Variants in KDM2A observed in about 807,000 individuals in gnomAD.
KDM2A encodes lysine demethylase 2A, also known as lysine-specific demethylase 2A.
In KDM2A, 3 loss-of-function variants were observed where a neutral mutation model predicts 137.3. That is an observed-to-expected ratio of 0.02 (90% CI 0.01 to 0.06). KDM2A has a LOEUF of 0.06. Ranked by LOEUF, KDM2A falls within the 10% of genes least tolerant of loss-of-function variation. KDM2A has a pLI of 1.00. For missense variants in KDM2A, 738 were observed against 1,510.6 expected, an observed-to-expected ratio of 0.49 and a Z score of 8.48; for synonymous variants, 512 against 541.5, an observed-to-expected ratio of 0.95 and a Z score of 0.76.
intron 5 of KDM2A, among the ~76,000 whole-genome samples, chr11:67,188,481 CAAA>C (rs764954297): frequency 5.4e-5 from 5 of 91,918 alleles, no homozygotes; most frequent in Admixed American, 1.2e-4. Flanking sequence ...GACTCTGTCT[CAAA>C]AAAAAAAAAA....
chr11:67,171,615 G>A (rs1856884205), intron 2 of KDM2A, among the ~76,000 whole-genome samples: 2 of 152,198 alleles, frequency 1.3e-5, no homozygotes, highest in South Asian at 4.1e-4. Context: ...TACCCAAAAA[G>A]GTTAGCTTGG....
At chr11:67,157,756 A>G (rs1437991573) in intron 2 of KDM2A, among the ~76,000 whole-genome samples, 1 of 151,946 alleles carries the variant, frequency 6.6e-6, no homozygotes, top group Non-Finnish European at 1.5e-5. Flanking sequence ...CAAAAAAAAA[A>G]AAAAAAAACT....
Position 67,250,348 on chromosome 11 carries a change from T to C in KDM2A, c.2318T>C (p.Val773Ala), listed in dbSNP as rs751900605. 1.2e-6 allele frequency: 2 copies of C among 1,613,796 alleles called. No homozygotes were observed. The highest frequency in any genetic ancestry group is 1.7e-6 in the Non-Finnish European group (2 of 1,179,872). Residue 773 changes from valine to alanine, a missense_variant, in exon 17 of 21, where the codon GTA becomes GCA. Physicochemically the swap from Val to Ala is moderately conservative, Grantham distance 64 (BLOSUM62 0). This residue lies in a region of KDM2A where 244 missense variants were observed against 324.6 expected (regional missense o/e 0.75). Coordinates refer to ENST00000529006, the MANE Select transcript of KDM2A (RefSeq NM_012308.3). The surrounding 1 kb of genome is among the most constrained non-coding windows in gnomAD (Gnocchi z 7.1). The stretch of plus-strand genomic sequence containing the variant: ...CTGCAGGCCACAGAGCGCACCATGG[T>C]ACGGGAAAAGGAGAACAATCCCAGC... ...LRLQATERTMVREKENNPSGK... is the reference protein window; with the variant it reads ...LRLQATERTMAREKENNPSGK...
intron 2 of KDM2A, among the ~76,000 whole-genome samples, chr11:67,164,453 G>A (rs770416187): frequency 2.0e-5 from 3 of 152,060 alleles, no homozygotes; most frequent in Admixed American, 1.3e-4. Context: ...TGTTCATTAA[G>A]TGTTGATCTT....
intron 13 of KDM2A, chr11:67,243,360 T>C: frequency 3.5e-6 from 1 of 285,816 alleles, no homozygotes. Context: ...CATCCGCTTC[T>C]ATCCTTGTGA....
chr11:67,215,738 G>A (rs554653526), intron 7 of KDM2A, 118 bp from the exon 8 acceptor site: 7 of 783,698 alleles, frequency 8.9e-6, no homozygotes, highest in South Asian at 8.1e-5. Context: ...TTCTCCTTCT[G>A]GAACTTAAGA....
intron 11 of KDM2A, among the ~76,000 whole-genome samples, chr11:67,230,344 T>C (rs1858671550): frequency 6.6e-6 from 1 of 152,014 alleles, no homozygotes; most frequent in African/African-American, 2.4e-5. Context: ...AAAACACATA[T>C]AGACCAGGCA....
At chr11:67,129,275 A>G (rs868027813) in intron 2 of KDM2A, among the ~76,000 whole-genome samples, 1 of 152,228 alleles carries the variant, frequency 6.6e-6, no homozygotes. Flanking sequence ...AACAAATAAT[A>G]AAGTGTCTAG....
rs771591882 is a variant in KDM2A, at chr11:67,245,233, C to T, written c.1608C>T (p.Pro536=). 1.2e-6 allele frequency: 2 copies of T among 1,614,014 alleles called. No homozygotes were observed. Among genetic ancestry groups the T allele is most frequent in the Non-Finnish European group, 1.7e-6 (2 of 1,179,894 alleles). The change falls in exon 14 of 21, where the codon CCC becomes CCT. Residue 536 remains proline (P), a synonymous_variant. Coordinates refer to ENST00000529006, the MANE Select transcript of KDM2A (RefSeq NM_012308.3). This position sits in a 1 kb window ranked among gnomAD's most constrained non-coding sequence, Gnocchi z 4.1. ...TRPKVRVPTI[P]ITKPHTMKPA... Reference sequence around the variant, plus strand: ...CAAAGGTGCGGGTTCCTACCATCCCCATTACGAAGCCTCACACTATGAAAC... The same window carrying T: ...CAAAGGTGCGGGTTCCTACCATCCCTATTACGAAGCCTCACACTATGAAAC...
At chr11:67,122,391 A>G (rs915236354) in intron 2 of KDM2A, among the ~76,000 whole-genome samples, 2 of 152,068 alleles carry the variant, frequency 1.3e-5, no homozygotes, top group African/African-American at 4.8e-5. Flanking sequence ...CAGTGGCGTG[A>G]TCTGAGCTCA....
intron 2 of KDM2A, among the ~76,000 whole-genome samples, chr11:67,174,883 G>A (rs1856946404): frequency 6.6e-6 from 1 of 152,170 alleles, no homozygotes; most frequent in South Asian, 2.1e-4. Context: ...TGATGTCATT[G>A]TTCAGTTTAT....
intron 2 of KDM2A, among the ~76,000 whole-genome samples, chr11:67,143,532 A>G (rs1421487669): frequency 6.6e-6 from 1 of 152,258 alleles, no homozygotes; most frequent in East Asian, 1.9e-4. Flanking sequence ...CCACTTCAAA[A>G]GCTTCTTTAC....
chr11:67,182,260 G>A (rs936684994), intron 5 of KDM2A, among the ~76,000 whole-genome samples: 1 of 152,146 alleles, frequency 6.6e-6, no homozygotes, highest in Non-Finnish European at 1.5e-5. Flanking sequence ...GAAATTTCCA[G>A]GAAATGCTCG....
chr11:67,240,045 C>T (rs1590818614), intron 12 of KDM2A: 2 of 1,306,764 alleles, frequency 1.5e-6, no homozygotes, highest in East Asian at 5.7e-5. Flanking sequence ...CTGCCATCTT[C>T]CGTTGCAAAG....
At chr11:67,199,036 C>T (rs1054831265) in intron 5 of KDM2A, among the ~76,000 whole-genome samples, 3 of 152,032 alleles carry the variant, frequency 2.0e-5, no homozygotes, top group African/African-American at 4.8e-5. Context: ...GCCTTGGCCT[C>T]CCCAAAGTGC....
intron 2 of KDM2A, among the ~76,000 whole-genome samples, chr11:67,177,852 C>A (rs1857003725): frequency 6.6e-6 from 1 of 152,186 alleles, no homozygotes; most frequent in Non-Finnish European, 1.5e-5. Context: ...GTTAGATTTA[C>A]ACAAGCATTG....
rs747931792 is a variant in KDM2A at position 67,254,383 on chromosome 11, C to T, written c.3272C>T (p.Ser1091Phe). ...AATCTACTCACTGCTGTCGGGTCTT[C>T]CACTCGCTACTCTCTCACAGAGCTC... ...SSNLLTAVGS[S>F]TRYSLTELNM... Residue 1091 changes from serine to phenylalanine, a missense_variant, in exon 20 of 21, where the codon TCC becomes TTC. Around this residue, in one of 9 missense-constraint regions of KDM2A, gnomAD observed 166 missense variants for 324.0 expected, o/e 0.51. Transcript: ENST00000529006. The surrounding 1 kb of genome is among the most constrained non-coding windows in gnomAD (Gnocchi z 4.7). 1 of 1,614,024 alleles carries T rather than the reference C, an allele frequency of 6.2e-7. No homozygotes were observed. The highest frequency in any genetic ancestry group is 8.5e-7 in the Non-Finnish European group (1 of 1,179,884).
chr11:67,223,269 C>T (rs1405241787), intron 10 of KDM2A, among the ~76,000 whole-genome samples: 1 of 151,508 alleles, frequency 6.6e-6, no homozygotes, highest in Non-Finnish European at 1.5e-5. Context: ...AAGTAAAAAG[C>T]AATGGGGTCA....
chr11:67,121,090 A>G (rs1407458175), intron 1 of KDM2A, 144 bp from the exon 2 acceptor site: 3 of 539,866 alleles, frequency 5.6e-6, no homozygotes, highest in Admixed American at 3.5e-5. Context: ...CCACTTGCCC[A>G]AGAGCAGAAA....
Sources: gnomAD v4.1 joint callset for allele counts (sites outside exome capture counted in the v4.1 genomes callset) on GRCh38, gnomAD v4.1.1 for gene constraint, gnomAD v4.1.1 regional missense constraint, Gnocchi (gnomAD v3.1) non-coding constraint, MANE v1.5 for transcripts, NCBI Gene and HGNC (gene_info 2026-07-23, HGNC 2026-07-21) for gene names.